Variants in CEP170B observed in about 807,000 individuals in gnomAD.
CEP170B encodes the protein centrosomal protein of 170 kDa protein B.
Under a neutral mutation model 120.6 loss-of-function variants are expected in CEP170B, and 55 were observed. That is an observed-to-expected ratio of 0.46 (90% CI 0.37 to 0.57). CEP170B has a LOEUF of 0.57. Ranked by LOEUF, CEP170B falls within the 20% of genes least tolerant of loss-of-function variation. The probability of loss-of-function intolerance (pLI) is 0.00; values close to 1 mark genes in which losing one functional copy is unlikely to be tolerated. For synonymous variants in CEP170B, 1,033 were observed against 954.5 expected (o/e 1.08, Z -1.52); for missense variants, 2,212 against 2,253.3 (o/e 0.98, Z 0.37).
chr14:104,868,248 G>T lies in CEP170B; in HGVS notation c.-27-176G>T, dbSNP rs1895289523. ...CGGTCACGAGGGCAAAGGCCTGGCA[G>T]TGGGACTCGGGACCATACCCAGGGA... On this transcript the variant is annotated intron_variant, in intron 1 of 18. Transcript: ENST00000414716. This position sits in a 1 kb window ranked among gnomAD's most constrained non-coding sequence, Gnocchi z 5.9. Among the ~76,000 whole-genome samples the T allele has an allele frequency of 6.6e-6, 1 of 152,180 alleles. No homozygotes were observed. The highest frequency in any genetic ancestry group is 1.5e-5 in the Non-Finnish European group (1 of 68,028).
At position 104,870,367 on chromosome 14, in the gene CEP170B, G is replaced by A. The variant is rs558462302; in HGVS notation, c.105+1812G>A. 9.2e-5 allele frequency among the ~76,000 whole-genome samples: 14 copies of A among 152,278 alleles called. No individual in the cohort carries two copies. The South Asian group carries it at 2.3e-3, about 25-fold the overall frequency. On this transcript the variant is annotated intron_variant, in intron 2 of 18. Coordinates refer to ENST00000414716, the MANE Select transcript of CEP170B (RefSeq NM_001112726.3). The surrounding 1 kb of genome is among the most constrained non-coding windows in gnomAD (Gnocchi z 4.1). ...GTTCTCAAGCCATCTAAAGACAGGC[G>A]GCAGGCCATAGGCCACGCCCCACAT...
intron 12 of CEP170B, 89 bp downstream of exon 12, chr14:104,888,067 TG>T: frequency 7.4e-7 from 1 of 1,348,882 alleles, no homozygotes; most frequent in Non-Finnish European, 9.8e-7. Context: ...GTGCTGGCCG[TG>T]GGCCCCTGGT....
chr14:104,893,030 T>C lies in CEP170B; in HGVS notation c.3933T>C (p.Asp1311=), dbSNP rs202004632. ...CCATCCTAGCCCAGGAGATCCACGATGTGGCTGGGGACGGTGACACACTGG... is the reference window on the plus strand; with the variant it reads ...CCATCCTAGCCCAGGAGATCCACGACGTGGCTGGGGACGGTGACACACTGG... The part of the protein sequence containing the change: ...DVAILAQEIH[D]VAGDGDTLGS... Residue 1311 remains aspartate (D), a synonymous_variant, in exon 14 of 19, where the codon GAT becomes GAC. Transcript: ENST00000414716. The C allele has an allele frequency of 1.9e-6, 3 of 1,590,946 alleles. No individual in the cohort carries two copies. The highest frequency in any genetic ancestry group is 2.3e-5 in the East Asian group (1 of 43,584).
Position 104,882,843 on chromosome 14 carries a change from G to A in CEP170B, c.577+11G>A, listed in dbSNP as rs777187027. 9 of 1,609,612 alleles carry A rather than the reference G, an allele frequency of 5.6e-6. No individual in the cohort carries two copies. The highest frequency in any genetic ancestry group is 7.6e-6 in the Non-Finnish European group (9 of 1,178,280). ...GAGAGCCCTACCCAGGTTGGTCTTG[G>A]GGCCAGGCTGGTGAGACCCTGAGGG... On this transcript the variant is annotated intron_variant, in intron 7 of 18. Coordinates refer to ENST00000414716, the MANE Select transcript of CEP170B (RefSeq NM_001112726.3).
chr14:104,874,456 C>T (rs1295749273), intron 2 of CEP170B, among the ~76,000 whole-genome samples: 2 of 152,140 alleles, frequency 1.3e-5, no homozygotes, highest in Admixed American at 6.5e-5. Context: ...GATCCGCCTT[C>T]CCAGGGAGGG....
rs1897080891 is a variant in CEP170B, at chr14:104,896,509, C to T, written c.*1551C>T. ...CTTCATCCACGGCTCCTTCCCACCC[C>T]TCGGCAGTGGCTGTGCAATGTTTTA... On this transcript the variant is annotated 3_prime_UTR_variant, in exon 19 of 19. Coordinates refer to ENST00000414716, the MANE Select transcript of CEP170B (RefSeq NM_001112726.3). The T allele has an allele frequency of 6.6e-6, 3 of 451,138 alleles. No individual in the cohort carries two copies. Among genetic ancestry groups the T allele is most frequent in the Non-Finnish European group, 1.3e-5 (3 of 224,052 alleles). The allele number at this position is 451,138 out of a possible 1,614,324, so 27.9% of individuals were successfully genotyped here. A position where few individuals can be genotyped will look rare whatever the true frequency, so the allele number is the denominator to read the frequency against.
intron 16 of CEP170B, 80 bp from the exon 17 acceptor site, chr14:104,894,205 G>A (rs1177140597): frequency 8.9e-7 from 1 of 1,129,726 alleles, no homozygotes; most frequent in East Asian, 2.4e-5. Context: ...CCATGGCAGA[G>A]GAGGTCTGGG....
Position 104,894,808 on chromosome 14 carries a change from C to T in CEP170B, c.4515C>T (p.Arg1505=), listed in dbSNP as rs368263971. The T allele has an allele frequency of 6.2e-5, 99 of 1,608,412 alleles. No homozygotes were observed. In the Middle Eastern group the frequency reaches 8.3e-4, roughly 13 times the overall value. ...SSAQPGLGKG[R]VAAQSPPSPA... is the part of the protein sequence containing the mutation. ...CACAGCCGGGGCTGGGGAAGGGCCG[C>T]GTGGCTGCCCAGAGCCCACCCTCAC... is the stretch of plus-strand genomic sequence containing the variant. Residue 1505 remains arginine (R), a synonymous_variant, in exon 19 of 19, where the codon CGC becomes CGT. Transcript: ENST00000414716.
intron 2 of CEP170B, among the ~76,000 whole-genome samples, chr14:104,869,651 G>C (rs973378413): frequency 6.6e-6 from 1 of 152,182 alleles, no homozygotes; most frequent in African/African-American, 2.4e-5. Flanking sequence ...TGGGAGGTGA[G>C]CAGGGCGTGA....
In CEP170B at chr14:104,894,899, G is replaced by A. The variant is rs1219303028; in HGVS notation, c.4606G>A (p.Gly1536Arg). The change falls in exon 19 of 19, where the codon GGG becomes AGG. Residue 1536 changes from glycine to arginine, a missense_variant. Physicochemically the swap from Gly to Arg is moderately radical, Grantham distance 125. Transcript: ENST00000414716. Reference protein sequence around the residue: ...LRNFPQRASCGPPSLPDPTFL... With the variant: ...LRNFPQRASCRPPSLPDPTFL... ...GAATTTCCCACAGCGGGCCAGCTGT[G>A]GGCCTCCCAGCCTCCCGGACCCCAC... is the stretch of plus-strand genomic sequence containing the variant. The A allele has an allele frequency of 1.2e-5, 20 of 1,600,242 alleles. No homozygotes were observed. The highest frequency in any genetic ancestry group is 1.3e-5 in the Non-Finnish European group (15 of 1,174,258).
At position 104,887,405 on chromosome 14, in the gene CEP170B, C is replaced by T; in HGVS notation, c.3166C>T (p.Pro1056Ser). ...EERGPVLAHL[P>S]SSDVMASNHE... is the part of the protein sequence containing the mutation. ...GCGTGGCCCTGTCCTCGCCCACCTA[C>T]CCAGCTCAGATGTGATGGCCTCCAA... Residue 1056 changes from proline to serine, a missense_variant, in exon 12 of 19, where the codon CCC (proline) becomes TCC (serine). Pro to Ser is a moderately conservative substitution (Grantham distance 74). Around this residue, in one of 2 missense-constraint regions of CEP170B, gnomAD observed 2,166 missense variants for 2,166.7 expected, o/e 1.00. Coordinates refer to ENST00000414716, the MANE Select transcript of CEP170B (RefSeq NM_001112726.3). 6.2e-7 allele frequency: 1 copy of T among 1,612,138 alleles called. No homozygotes were observed. Among genetic ancestry groups the T allele is most frequent in the Non-Finnish European group, 8.5e-7 (1 of 1,179,668 alleles).
At chr14:104,874,557 C>T (rs918034623) in intron 2 of CEP170B, among the ~76,000 whole-genome samples, 1 of 152,074 alleles carries the variant, frequency 6.6e-6, no homozygotes, top group African/African-American at 2.4e-5. Context: ...CACCCAGGAC[C>T]CTACTCTCCC....
At chr14:104,877,327 T>C (rs890848952) in intron 3 of CEP170B, among the ~76,000 whole-genome samples, 1 of 152,200 alleles carries the variant, frequency 6.6e-6, no homozygotes, top group Admixed American at 6.5e-5. Context: ...ACCGTCCCAG[T>C]CCGTGCTCCT....
At chr14:104,873,402 G>C (rs971625919) in intron 2 of CEP170B, among the ~76,000 whole-genome samples, 1 of 152,058 alleles carries the variant, frequency 6.6e-6, no homozygotes, top group Non-Finnish European at 1.5e-5. Context: ...AGAGTCATCT[G>C]CCTGAAGCCT....
rs999974302 is a variant in CEP170B, at chr14:104,865,792, T to C, written c.-28+279T>C. On this transcript the variant is annotated intron_variant, in intron 1 of 18. Coordinates refer to ENST00000414716, the MANE Select transcript of CEP170B (RefSeq NM_001112726.3). The surrounding 1 kb of genome is among the most constrained non-coding windows in gnomAD (Gnocchi z 6.7). ...CCCCGCCCCGGCACCGGCTCGGCCATGGCCGCCCCCGGAGAGCGCTGATTC... is the reference window on the plus strand; with the variant it reads ...CCCCGCCCCGGCACCGGCTCGGCCACGGCCGCCCCCGGAGAGCGCTGATTC... Among the ~76,000 whole-genome samples, 1 of 151,938 alleles carries C rather than the reference T, an allele frequency of 6.6e-6. No homozygotes were observed. Among genetic ancestry groups the C allele is most frequent in the Non-Finnish European group, 1.5e-5 (1 of 67,924 alleles).
At position 104,886,393 on chromosome 14, in the gene CEP170B, C is replaced by T. The variant is rs374904669; in HGVS notation, c.2154C>T (p.Ser718=). The change falls in exon 12 of 19, where the codon AGC becomes AGT. Residue 718 remains serine (S), a synonymous_variant. Coordinates refer to ENST00000414716, the MANE Select transcript of CEP170B (RefSeq NM_001112726.3). The part of the protein sequence containing the change: ...RADSPAGPES[S]RRSGPGPPEL... The stretch of plus-strand genomic sequence containing the variant: ...ACAGCCCTGCGGGCCCAGAGAGCAG[C>T]AGGAGGAGTGGGCCTGGGCCACCGG... The T allele has an allele frequency of 1.2e-4, 189 of 1,582,948 alleles. 1 individual carries two copies. Among genetic ancestry groups the T allele is most frequent in the Admixed American group, 2.5e-4 (14 of 55,204 alleles).
rs146297910 is a variant in CEP170B at position 104,872,493 on chromosome 14, T to TGTGC, written c.106-3760_106-3759insCGTG. Among the ~76,000 whole-genome samples, 386 of 80,506 alleles carry TGTGC rather than the reference T, an allele frequency of 4.8e-3. 14 individuals carry two copies. The highest frequency in any genetic ancestry group is 0.01 in the Non-Finnish European group (279 of 27,814). 52.8% of individuals were successfully genotyped at this position (80,506 alleles called of 152,430 possible). A position where few individuals can be genotyped will look rare whatever the true frequency, so the allele number is the denominator to read the frequency against. On this transcript the variant is annotated intron_variant, in intron 2 of 18. Coordinates refer to ENST00000414716, the MANE Select transcript of CEP170B (RefSeq NM_001112726.3). Reference sequence around the variant, plus strand: ...GCCGTGTGTGTGCGTGTGTGCCGTGTGTGTGTGCGTGTGTAAGTGTGCATG... The same window carrying TGTGC: ...GCCGTGTGTGTGCGTGTGTGCCGTGTGTGCGTGTGTGCGTGTGTAAGTGTGCATG...
intron 12 of CEP170B, among the ~76,000 whole-genome samples, chr14:104,888,647 C>T (rs1249165154): frequency 1.3e-5 from 2 of 152,270 alleles, no homozygotes; most frequent in African/African-American, 4.8e-5. Flanking sequence ...CCCGCCGAGG[C>T]AGCTGAGCTG....
intron 2 of CEP170B, among the ~76,000 whole-genome samples, chr14:104,876,023 G>A (rs1460890747): frequency 1.3e-5 from 2 of 152,152 alleles, no homozygotes; most frequent in Non-Finnish European, 2.9e-5. Context: ...GAGCATCTCT[G>A]GGGAGGGCGG....
Sources: allele counts gnomAD v4.1 joint callset (sites outside exome capture counted in the v4.1 genomes callset), GRCh38; gene constraint gnomAD v4.1.1; regional missense constraint gnomAD v4.1.1; non-coding constraint Gnocchi (gnomAD v3.1); transcripts MANE v1.5; gene names NCBI Gene and HGNC (gene_info 2026-07-23, HGNC 2026-07-21).